Variants in APP observed in about 807,000 individuals in gnomAD.
APP encodes the protein amyloid beta precursor protein.
APP carries 31 observed loss-of-function variants against 101.4 expected under a neutral mutation model. The observed-to-expected ratio is 0.31, with a 90% CI of 0.23 to 0.41. The LOEUF is 0.41. APP is among the 10% of genes least tolerant of loss of function. The pLI, the probability that APP is intolerant of heterozygous loss-of-function variation, is 1.00. For missense variants in APP, 839 were observed against 1,003.7 expected, an observed-to-expected ratio of 0.84 and a Z score of 2.22; for synonymous variants, 366 against 364.4, an observed-to-expected ratio of 1.00 and a Z score of -0.05.
intron 5 of APP, among the ~76,000 whole-genome samples, chr21:26,026,683 A>G (rs752188417): frequency 1.2e-3 from 190 of 152,366 alleles, no homozygotes; most frequent in Non-Finnish European, 2.3e-3. Flanking sequence ...AGTGGCTTGG[A>G]AAGGTTAAAG....
chr21:26,160,308 A>T (rs2063464987), intron 1 of APP, among the ~76,000 whole-genome samples: 1 of 152,152 alleles, frequency 6.6e-6, no homozygotes, highest in Non-Finnish European at 1.5e-5. Context: ...CAAACACCCT[A>T]TGGGTTAGCC....
Position 26,170,744 on chromosome 21 carries a change from T to G in APP, c.-124A>C. The G allele has an allele frequency of 9.6e-7, 1 of 1,037,310 alleles. No individual in the cohort carries two copies. The allele number at this position is 1,037,310 out of a possible 1,614,324, so 64.3% of individuals were successfully genotyped here. A position where few individuals can be genotyped will look rare whatever the true frequency, so the allele number is the denominator to read the frequency against. On this transcript the variant is annotated 5_prime_UTR_variant, in exon 1 of 18. Coordinates refer to ENST00000346798, the MANE Select transcript of APP (RefSeq NM_000484.4). ...CCCGCGCACGCTCCTCCGCGTGCTC[T>G]CGCCTACCGCTGCCGAGGAAACTGA...
intron 5 of APP, among the ~76,000 whole-genome samples, chr21:26,029,481 G>A (rs563801751): frequency 6.6e-6 from 1 of 152,238 alleles, no homozygotes; most frequent in Non-Finnish European, 1.5e-5. Flanking sequence ...GTGAGGCAGA[G>A]ATTCCAGGTG....
intron 1 of APP, among the ~76,000 whole-genome samples, chr21:26,168,062 G>A (rs2063656440): frequency 6.6e-6 from 1 of 151,982 alleles, no homozygotes; most frequent in South Asian, 2.1e-4. Flanking sequence ...ACCCTCAACA[G>A]AGGGAAATAA....
At chr21:25,964,644 T>C (rs1487749773) in intron 11 of APP, among the ~76,000 whole-genome samples, 1 of 151,294 alleles carries the variant, frequency 6.6e-6, no homozygotes, top group Admixed American at 6.6e-5. Context: ...AGTTTCACTC[T>C]TGTTATACAG....
intron 13 of APP, among the ~76,000 whole-genome samples, chr21:25,918,248 A>G (rs1041384557): frequency 5.3e-5 from 8 of 152,226 alleles, no homozygotes; most frequent in African/African-American, 1.9e-4. Flanking sequence ...CTGTAGCACT[A>G]TTTACAATAG....
intron 1 of APP, among the ~76,000 whole-genome samples, chr21:26,139,390 G>A (rs189931541): frequency 6.1e-4 from 93 of 152,228 alleles, no homozygotes; most frequent in African/African-American, 2.1e-3. Context: ...AGCTCAAAAT[G>A]TGGTCCACAG....
At chr21:25,994,162 T>A (rs117219482) in intron 8 of APP, among the ~76,000 whole-genome samples, 33 of 152,334 alleles carry the variant, frequency 2.2e-4, no homozygotes, top group Non-Finnish European at 1.5e-5. Context: ...ATATTTAAAA[T>A]ATAAATGAAT....
chr21:25,900,537 G>A (rs1424714012), intron 15 of APP, among the ~76,000 whole-genome samples: 5 of 151,916 alleles, frequency 3.3e-5, no homozygotes, highest in Admixed American at 1.3e-4. Flanking sequence ...TCCAGCCTGG[G>A]TGACAGAATG....
At chr21:26,023,212 C>G (rs2044421575) in intron 5 of APP, among the ~76,000 whole-genome samples, 1 of 152,054 alleles carries the variant, frequency 6.6e-6, no homozygotes, top group South Asian at 2.1e-4. Flanking sequence ...GCATCAGAAT[C>G]ACCTGGAAGG....
intron 17 of APP, among the ~76,000 whole-genome samples, chr21:25,882,479 C>T (rs942790753): frequency 6.6e-6 from 1 of 150,818 alleles, no homozygotes; most frequent in Non-Finnish European, 1.5e-5. Context: ...TAAAATCAGA[C>T]CCTCTCTGTT....
intron 15 of APP, among the ~76,000 whole-genome samples, chr21:25,900,724 G>A (rs1382680205): frequency 4.0e-5 from 6 of 151,178 alleles, no homozygotes; most frequent in South Asian, 4.2e-4. Context: ...AGCTCTGGCC[G>A]GGCACAGTGG....
In APP at chr21:26,134,839, C is replaced by T. The variant is rs116546044; in HGVS notation, c.58-22693G>A. Among the ~76,000 whole-genome samples, 791 of 152,256 alleles carry T rather than the reference C, an allele frequency of 5.2e-3. 6 individuals are homozygous for T. Among genetic ancestry groups the T allele is most frequent in the African/African-American group, 0.017 (722 of 41,528 alleles). On this transcript the variant is annotated intron_variant, in intron 1 of 17. Transcript: ENST00000346798. ...TCCAAGGATTTTAGGAGCTAAATGTCAGGAAACATATACATCAGGAAGACC... is the reference window on the plus strand; with the variant it reads ...TCCAAGGATTTTAGGAGCTAAATGTTAGGAAACATATACATCAGGAAGACC...
At chr21:26,141,792 G>A (rs182880202) in intron 1 of APP, among the ~76,000 whole-genome samples, 48 of 152,262 alleles carry the variant, frequency 3.2e-4, no homozygotes, top group Non-Finnish European at 5.9e-4. Context: ...GAAGAGTAAG[G>A]GGAGTTTTCA....
intron 2 of APP, among the ~76,000 whole-genome samples, chr21:26,105,068 C>CA (rs10579923): frequency 0.029 from 3,193 of 110,372 alleles, 95 homozygotes; most frequent in African/African-American, 0.08. Context: ...GCATTTTTTT[C>CA]AAAAAAAAAA....
At chr21:25,970,570 A>C (rs2041993467) in intron 11 of APP, among the ~76,000 whole-genome samples, 1 of 152,250 alleles carries the variant, frequency 6.6e-6, no homozygotes. Flanking sequence ...GATATAAAAA[A>C]AAATTTCCTG....
chr21:25,991,069 T>C (rs1200664049), intron 8 of APP, among the ~76,000 whole-genome samples: 1 of 152,192 alleles, frequency 6.6e-6, no homozygotes, highest in East Asian at 1.9e-4. Flanking sequence ...TAATCAGGAA[T>C]GGAAATACAG....
At chr21:26,133,821 C>T (rs1369018601) in intron 1 of APP, among the ~76,000 whole-genome samples, 5 of 152,044 alleles carry the variant, frequency 3.3e-5, no homozygotes, top group South Asian at 2.1e-4. Flanking sequence ...GTTCCCTGTC[C>T]GTATCAAACC....
At chr21:26,000,263 T>C in intron 6 of APP, 81 bp from the exon 7 acceptor site, 1 of 1,571,446 alleles carries the variant, frequency 6.4e-7, no homozygotes, top group South Asian at 1.1e-5. Flanking sequence ...TTTACTTCTT[T>C]TAATCCTCCC....
Sources: gnomAD v4.1 joint callset for allele counts (sites outside exome capture counted in the v4.1 genomes callset) on GRCh38, gnomAD v4.1.1 for gene constraint, MANE v1.5 for transcripts, NCBI Gene and HGNC (gene_info 2026-07-23, HGNC 2026-07-21) for gene names.